The following SPHK1 variants were observed in gnomAD, a reference collection of about 807,000 sequenced individuals.
The protein encoded by SPHK1 is sphingosine kinase 1, also known as SK 1.
SPHK1 carries 10 observed loss-of-function variants against 14.6 expected under a neutral mutation model. That is an observed-to-expected ratio of 0.68 (90% confidence interval 0.42 to 1.16). The LOEUF is 1.16. Ranked by LOEUF, SPHK1 falls within the 50% of genes most tolerant of loss-of-function variation. SPHK1 has a pLI of 0.00. For missense variants in SPHK1, 553 were observed against 525.4 expected (o/e 1.05, Z -0.51); for synonymous variants, 274 against 224.0 (o/e 1.22, Z -1.99).
In SPHK1 at chr17:76,386,875, A is replaced by G. The variant is rs2143634135; in HGVS notation, c.444A>G (p.Ser148=). ...CTLLLCRRLL[S]PMNLLSLHTA... ...TATTGCTGTGCCGCCGGCTGCTGTCACCCATGAACCTGCTGTCTCTGCACA... is the reference window on the plus strand; with the variant it reads ...TATTGCTGTGCCGCCGGCTGCTGTCGCCCATGAACCTGCTGTCTCTGCACA... The change falls in exon 6 of 6, where the codon TCA becomes TCG. Residue 148 remains serine, a synonymous_variant. Transcript: ENST00000592299. This position sits in a 1 kb window ranked among gnomAD's most constrained non-coding sequence, Gnocchi z 5.3. The G allele has an allele frequency of 6.2e-7, 1 of 1,605,834 alleles. No individual in the cohort carries two copies. The highest frequency in any genetic ancestry group is 2.2e-5 in the East Asian group (1 of 44,664).
upstream of SPHK1, chr17:76,383,597 C>T (rs898564359): frequency 2.4e-5 from 7 of 289,878 alleles, no homozygotes; most frequent in Non-Finnish European, 4.1e-5. Context: ...GGCTTGGTTT[C>T]TCCTAACTCT....
At chr17:76,383,697 G>T, upstream of SPHK1, 1 of 527,730 alleles carries the variant, frequency 1.9e-6, no homozygotes, top group Non-Finnish European at 3.1e-6. Flanking sequence ...CGAGGTGCTC[G>T]CGGACACGTT....
In SPHK1 at chr17:76,386,578, A is replaced by G. The variant is rs553208406; in HGVS notation, c.374+70A>G. 2.9e-5 allele frequency: 42 copies of G among 1,430,034 alleles called. No homozygotes were observed. In the African/African-American group the frequency reaches 5.2e-4, roughly 18 times the overall value. 88.6% of individuals were successfully genotyped at this position (1,430,034 alleles called of 1,614,324 possible). Reference sequence around the variant, plus strand: ...CTCTACCGCGGGGGTTTTCTTGTCTAAGCTCCCATAGGCTGAGATCATTTC... The same window carrying G: ...CTCTACCGCGGGGGTTTTCTTGTCTGAGCTCCCATAGGCTGAGATCATTTC... On this transcript the variant is annotated intron_variant, in intron 5 of 5. Transcript: ENST00000592299. The surrounding 1 kb of genome is among the most constrained non-coding windows in gnomAD (Gnocchi z 5.3).
Position 76,387,183 on chromosome 17 carries a change from T to TGGTGCCCGACGA in SPHK1, c.755_766dup (p.Val252_Glu255dup). On this transcript the variant is annotated inframe_insertion, in exon 6 of 6. Coordinates refer to ENST00000592299, the MANE Select transcript of SPHK1 (RefSeq NM_001142601.2). The surrounding 1 kb of genome is among the most constrained non-coding windows in gnomAD (Gnocchi z 4.1). ...GAGCCAGTGCCCTCTCACTGGACAG[T>TGGTGCCCGACGA]GGTGCCCGACGAGGACTTTGTGCTA... 6.2e-7 allele frequency: 1 copy of TGGTGCCCGACGA among 1,613,206 alleles called. No homozygotes were observed. Among genetic ancestry groups the TGGTGCCCGACGA allele is most frequent in the South Asian group, 1.1e-5 (1 of 91,048 alleles).
upstream of SPHK1, chr17:76,383,755 T>C (rs2071908603): frequency 2.0e-6 from 2 of 1,016,062 alleles, no homozygotes; most frequent in Non-Finnish European, 2.7e-6. Context: ...GACAAACGCG[T>C]CCCTACTGGC....
At chr17:76,384,066 G>A, upstream of SPHK1, 1 of 314,248 alleles carries the variant, frequency 3.2e-6, no homozygotes, top group Non-Finnish European at 6.0e-6. Context: ...GGCGGCGGGC[G>A]AGACGCCCCG....
upstream of SPHK1, chr17:76,383,793 C>G: frequency 7.9e-7 from 1 of 1,267,248 alleles, no homozygotes; most frequent in Non-Finnish European, 1.0e-6. Flanking sequence ...CTTCTGAGCG[C>G]GTTTCCGGCG....
At position 76,385,333 on chromosome 17, in the gene SPHK1, C is replaced by T. The variant is rs1452183185; in HGVS notation, c.-194-118C>T. 2.8e-6 allele frequency: 4 copies of T among 1,451,582 alleles called. No homozygotes were observed. Among genetic ancestry groups the T allele is most frequent in the East Asian group, 5.0e-5 (2 of 39,912 alleles). 89.9% of individuals were successfully genotyped at this position (1,451,582 alleles called of 1,614,324 possible). A position where few individuals can be genotyped will look rare whatever the true frequency, so the allele number is the denominator to read the frequency against. On this transcript the variant is annotated intron_variant, in intron 1 of 5. Coordinates refer to ENST00000592299, the MANE Select transcript of SPHK1 (RefSeq NM_001142601.2). The surrounding 1 kb of genome is among the most constrained non-coding windows in gnomAD (Gnocchi z 5.3). ...CGCCCTCGGAGGCACCGGACCTCAGCTCTCTGGACTTCCCGGGAACCTGGC... is the reference window on the plus strand; with the variant it reads ...CGCCCTCGGAGGCACCGGACCTCAGTTCTCTGGACTTCCCGGGAACCTGGC...
chr17:76,386,753 G>C lies in SPHK1; in HGVS notation c.375-53G>C, dbSNP rs769345156. ...CTCCCACTCCCCGGGAGGAGGAAGC[G>C]GGGGATACATGGGGGCTCCTGTCCT... On this transcript the variant is annotated intron_variant, in intron 5 of 5. Coordinates refer to ENST00000592299, the MANE Select transcript of SPHK1 (RefSeq NM_001142601.2). This position sits in a 1 kb window ranked among gnomAD's most constrained non-coding sequence, Gnocchi z 5.3. 2.0e-6 allele frequency: 3 copies of C among 1,505,490 alleles called. No homozygotes were observed. The highest frequency in any genetic ancestry group is 2.7e-6 in the Non-Finnish European group (3 of 1,126,848). 93.3% of individuals were successfully genotyped at this position (1,505,490 alleles called of 1,614,324 possible).
rs760790018 is a variant in SPHK1, at chr17:76,387,141, A to G, written c.710A>G (p.His237Arg). Reference sequence around the variant, plus strand: ...GTCCAGCAGGGCCCGGTAGATGCACACCTTGTGCCACTGGAGGAGCCAGTG... The same window carrying G: ...GTCCAGCAGGGCCCGGTAGATGCACGCCTTGTGCCACTGGAGGAGCCAGTG... ...VVVQQGPVDA[H>R]LVPLEEPVPS... The change falls in exon 6 of 6, where the codon CAC (histidine) becomes CGC (arginine). Residue 237 changes from histidine to arginine, a missense_variant. His to Arg is a conservative substitution (Grantham distance 29, BLOSUM62 0). Coordinates refer to ENST00000592299, the MANE Select transcript of SPHK1 (RefSeq NM_001142601.2). This position sits in a 1 kb window ranked among gnomAD's most constrained non-coding sequence, Gnocchi z 4.1. The G allele has an allele frequency of 6.2e-7, 1 of 1,613,058 alleles. No homozygotes were observed. The highest frequency in any genetic ancestry group is 2.2e-5 in the East Asian group (1 of 44,870).
chr17:76,384,951 C>A (rs1448505887), intron 1 of SPHK1, 145 bp downstream of exon 1: 2 of 833,620 alleles, frequency 2.4e-6, no homozygotes, highest in Non-Finnish European at 3.5e-6. Flanking sequence ...TGGCGCGACC[C>A]GGGAGCGGCT....
chr17:76,384,368 C>G (rs923784170), upstream of SPHK1: 4 of 150,894 alleles, frequency 2.7e-5, no homozygotes, highest in Non-Finnish European at 4.4e-5. Flanking sequence ...CGCGGCCTGC[C>G]GCCTCAGCTC....
rs1272962069 is a variant in SPHK1, at chr17:76,385,432, G to A, written c.-194-19G>A. The stretch of plus-strand genomic sequence containing the variant: ...AGCTGCGGCCCCGGACTCCGCCAGC[G>A]CTGTCTTCTCTCCCTCAGGTCCAGC... On this transcript the variant is annotated intron_variant, in intron 1 of 5. Coordinates refer to ENST00000592299, the MANE Select transcript of SPHK1 (RefSeq NM_001142601.2). The surrounding 1 kb of genome is among the most constrained non-coding windows in gnomAD (Gnocchi z 5.3). 1.3e-6 allele frequency: 2 copies of A among 1,511,592 alleles called. No homozygotes were observed. The highest frequency in any genetic ancestry group is 1.8e-6 in the Non-Finnish European group (2 of 1,134,196). 93.6% of individuals were successfully genotyped at this position (1,511,592 alleles called of 1,614,324 possible). A position where few individuals can be genotyped will look rare whatever the true frequency, so the allele number is the denominator to read the frequency against.
rs2143628785 is a variant in SPHK1 at position 76,385,849 on chromosome 17, GC to G, written c.11-135del. 1 of 1,487,050 alleles carries G rather than the reference GC, an allele frequency of 6.7e-7. No homozygotes were observed. The highest frequency in any genetic ancestry group is 1.4e-5 in the African/African-American group (1 of 71,634). The allele number at this position is 1,487,050 out of a possible 1,614,324, so 92.1% of individuals were successfully genotyped here. ...CCGCGTCCCCACCCCAGGTCTCCCA[GC>G]AAAGGCCGCTCCTCTGGCCAGGGTC... On this transcript the variant is annotated intron_variant, in intron 2 of 5. Transcript: ENST00000592299. The surrounding 1 kb of genome is among the most constrained non-coding windows in gnomAD (Gnocchi z 5.3).
At position 76,387,310 on chromosome 17, in the gene SPHK1, A is replaced by C. The variant is rs1212332519; in HGVS notation, c.879A>C (p.Gly293=). 1 of 1,613,098 alleles carries C rather than the reference A, an allele frequency of 6.2e-7. No homozygotes were observed. Among genetic ancestry groups the C allele is most frequent in the Admixed American group, 1.7e-5 (1 of 59,972 alleles). ...TGCATCTGTTCTACGTGCGGGCGGGAGTGTCTCGTGCCATGCTGCTGCGCC... is the reference window on the plus strand; with the variant it reads ...TGCATCTGTTCTACGTGCGGGCGGGCGTGTCTCGTGCCATGCTGCTGCGCC... ...GVMHLFYVRA[G]VSRAMLLRLF... Residue 293 remains glycine, a synonymous_variant, in exon 6 of 6, where the codon GGA becomes GGC. Coordinates refer to ENST00000592299, the MANE Select transcript of SPHK1 (RefSeq NM_001142601.2). This position sits in a 1 kb window ranked among gnomAD's most constrained non-coding sequence, Gnocchi z 4.1.
chr17:76,387,580 C>T lies in SPHK1; in HGVS notation c.1149C>T (p.Pro383=). The T allele has an allele frequency of 1.9e-6, 3 of 1,588,966 alleles. No individual in the cohort carries two copies. Among genetic ancestry groups the T allele is most frequent in the Non-Finnish European group, 2.6e-6 (3 of 1,171,186 alleles). The change falls in exon 6 of 6, where the codon CCC becomes CCT. Residue 383 remains proline, a synonymous_variant. Coordinates refer to ENST00000592299, the MANE Select transcript of SPHK1 (RefSeq NM_001142601.2). This position sits in a 1 kb window ranked among gnomAD's most constrained non-coding sequence, Gnocchi z 4.1. ...KPQQMPPPEE[P]L ...AGCAGATGCCACCGCCAGAAGAGCC[C>T]TTATGACCCCTGGGCCGCGCTGTGC...
chr17:76,383,705 G>A, upstream of SPHK1: 1 of 585,112 alleles, frequency 1.7e-6, no homozygotes, highest in Non-Finnish European at 2.7e-6. Context: ...TCGCGGACAC[G>A]TTCTGTGGCT....
Position 76,386,925 on chromosome 17 carries a change from C to G in SPHK1, c.494C>G (p.Ser165Cys), listed in dbSNP as rs1219927475. Residue 165 changes from serine to cysteine, a missense_variant, in exon 6 of 6, where the codon TCT (serine) becomes TGT (cysteine). Physicochemically the swap from Ser to Cys is moderately radical, Grantham distance 112 (BLOSUM62 -1). Coordinates refer to ENST00000592299, the MANE Select transcript of SPHK1 (RefSeq NM_001142601.2). The surrounding 1 kb of genome is among the most constrained non-coding windows in gnomAD (Gnocchi z 5.3). The part of the protein sequence containing the change: ...LHTASGLRLF[S>C]VLSLAWGFIA... ...ACGGCTTCGGGGCTGCGCCTCTTCT[C>G]TGTGCTCAGCCTGGCCTGGGGCTTC... 1.2e-6 allele frequency: 2 copies of G among 1,613,106 alleles called. No individual in the cohort carries two copies. The highest frequency in any genetic ancestry group is 2.2e-5 in the East Asian group (1 of 44,826).
upstream of SPHK1, chr17:76,383,720 G>T: frequency 3.0e-6 from 2 of 675,722 alleles, no homozygotes; most frequent in Non-Finnish European, 4.4e-6. Context: ...GTGGCTTGCC[G>T]CGATAAGTGT....
Sources: allele counts gnomAD v4.1 joint callset, GRCh38; gene constraint gnomAD v4.1.1; non-coding constraint Gnocchi (gnomAD v3.1); transcripts MANE v1.5; gene names NCBI Gene and HGNC (gene_info 2026-07-23, HGNC 2026-07-21).